The following CNTNAP2 variants were observed in gnomAD, a reference collection of about 807,000 sequenced individuals.
The protein encoded by CNTNAP2 is contactin associated protein 2, also known as contactin-associated protein-like 2.
CNTNAP2 carries 98 observed loss-of-function variants against 155.2 expected under a neutral mutation model. The observed-to-expected ratio is 0.63, with a 90% CI of 0.54 to 0.75. The LOEUF is 0.75. CNTNAP2 is among the 30% of genes least tolerant of loss of function. CNTNAP2 has a pLI of 0.00. For missense variants in CNTNAP2, 1,727 were observed against 1,688.1 expected, an observed-to-expected ratio of 1.02 and a Z score of -0.40; for synonymous variants, 651 against 631.2, an observed-to-expected ratio of 1.03 and a Z score of -0.47.
chr7:148,032,434 G>A (rs12532341), intron 15 of CNTNAP2, among the ~76,000 whole-genome samples: 49,828 of 152,002 alleles, frequency 0.33, 9,720 homozygotes, highest in East Asian at 0.77. Flanking sequence ...AGAGAGGGTA[G>A]GAGTCAGACC....
At chr7:147,743,455 G>A (rs73472882) in intron 13 of CNTNAP2, among the ~76,000 whole-genome samples, 3,069 of 152,198 alleles carry the variant, frequency 0.02, 81 homozygotes, top group African/African-American at 0.069. Context: ...AATTTGCTTT[G>A]TCTTTCTTTC....
rs892967399 is a variant in CNTNAP2, at chr7:146,822,488, A to T, written c.209-17223A>T. Among the ~76,000 whole-genome samples the T allele has an allele frequency of 6.1e-4, 88 of 144,492 alleles. No homozygotes were observed. The East Asian group carries it at 6.7e-3, about 11-fold the overall frequency. The allele number at this position is 144,492 out of a possible 152,430, so 94.8% of individuals were successfully genotyped here. ...AAGTGTAATAATAATACAAAAATTT[A>T]AAAAAAAAAAACTCAGACATTTGTC... On this transcript the variant is annotated intron_variant, in intron 2 of 23. Transcript: ENST00000361727.
At chr7:147,190,022 G>C (rs1463710796) in intron 8 of CNTNAP2, among the ~76,000 whole-genome samples, 2 of 152,110 alleles carry the variant, frequency 1.3e-5, no homozygotes, top group African/African-American at 2.4e-5. Context: ...AGGATTACAG[G>C]TGTGAGCCAC....
At chr7:147,359,235 T>G (rs1796110043) in intron 9 of CNTNAP2, among the ~76,000 whole-genome samples, 1 of 152,172 alleles carries the variant, frequency 6.6e-6, no homozygotes, top group Non-Finnish European at 1.5e-5. Flanking sequence ...CAATTACTCA[T>G]ACTGTAAAAC....
intron 3 of CNTNAP2, among the ~76,000 whole-genome samples, chr7:146,918,821 C>T (rs1585157358): frequency 1.3e-5 from 2 of 152,300 alleles, no homozygotes; most frequent in South Asian, 2.1e-4. Flanking sequence ...ACCAATTATT[C>T]TTAGGTTTGG....
chr7:146,987,729 G>T (rs1798138677), intron 3 of CNTNAP2, among the ~76,000 whole-genome samples: 2 of 152,006 alleles, frequency 1.3e-5, no homozygotes, highest in South Asian at 4.2e-4. Context: ...ACTGAAAAAT[G>T]TATATATATT....
rs114609388 is a variant in CNTNAP2, at chr7:148,258,270, G to A, written c.3382-8763G>A. ...AGCGTCCTTGAACCCACAGGGTTAC[G>A]GTCTCACCAAGGGAGGATCAGGAAC... is the stretch of plus-strand genomic sequence containing the variant. On this transcript the variant is annotated intron_variant, in intron 20 of 23. Coordinates refer to ENST00000361727, the MANE Select transcript of CNTNAP2 (RefSeq NM_014141.6). 8.0e-3 allele frequency among the ~76,000 whole-genome samples: 1,221 copies of A among 152,250 alleles called. 20 individuals carry two copies. The highest frequency in any genetic ancestry group is 0.028 in the African/African-American group (1,147 of 41,540).
chr7:147,861,111 T>C (rs1030420037), intron 13 of CNTNAP2, among the ~76,000 whole-genome samples: 5 of 152,196 alleles, frequency 3.3e-5, no homozygotes, highest in Non-Finnish European at 7.3e-5. Context: ...GATAAGGATT[T>C]TCACCTCATC....
At chr7:147,720,761 T>A (rs1796555216) in intron 13 of CNTNAP2, among the ~76,000 whole-genome samples, 2 of 152,244 alleles carry the variant, frequency 1.3e-5, no homozygotes, top group African/African-American at 4.8e-5. Context: ...TCTGCCATGA[T>A]GAGGCCTCCC....
At chr7:146,358,931 C>T (rs1254101848) in intron 1 of CNTNAP2, among the ~76,000 whole-genome samples, 1 of 151,738 alleles carries the variant, frequency 6.6e-6, no homozygotes, top group African/African-American at 2.4e-5. Flanking sequence ...CTTGATACAT[C>T]GCCTTACTAG....
At chr7:147,067,786 G>A (rs1584816052) in intron 4 of CNTNAP2, among the ~76,000 whole-genome samples, 1 of 152,206 alleles carries the variant, frequency 6.6e-6, no homozygotes, top group East Asian at 1.9e-4. Flanking sequence ...ATCTTATGAA[G>A]TCTCCTCAGC....
In CNTNAP2 at chr7:146,158,862, C is replaced by T. The variant is rs114028544; in HGVS notation, c.97+41889C>T. ...ACTTCCCCAAACTAATGAGGCAGGC[C>T]AACATTCAACTTCAGGAAATACAGA... is the stretch of plus-strand genomic sequence containing the variant. On this transcript the variant is annotated intron_variant, in intron 1 of 23. Transcript: ENST00000361727. Among the ~76,000 whole-genome samples the T allele has an allele frequency of 5.2e-3, 798 of 152,220 alleles. 14 individuals carry two copies. Among genetic ancestry groups the T allele is most frequent in the African/African-American group, 0.018 (766 of 41,530 alleles).
intron 8 of CNTNAP2, among the ~76,000 whole-genome samples, chr7:147,148,642 G>A (rs1801762152): frequency 6.6e-6 from 1 of 152,096 alleles, no homozygotes; most frequent in Non-Finnish European, 1.5e-5. Flanking sequence ...GTTCAGATGT[G>A]TCCGAAGTTT....
chr7:148,291,212 C>T lies in CNTNAP2; in HGVS notation c.3475+24086C>T, dbSNP rs7781050. On this transcript the variant is annotated intron_variant, in intron 21 of 23. Transcript: ENST00000361727. ...CATGGTAAATTAGTATATGAGAGTT[C>T]GCAGTAATAAAAGAAGTATGTAAGT... is the stretch of plus-strand genomic sequence containing the variant. Among the ~76,000 whole-genome samples, 90 of 151,160 alleles carry T rather than the reference C, an allele frequency of 6.0e-4. No homozygotes were observed. The East Asian group carries it at 0.015, about 26-fold the overall frequency.
intron 4 of CNTNAP2, among the ~76,000 whole-genome samples, chr7:147,091,966 C>T (rs925619899): frequency 1.3e-5 from 2 of 152,020 alleles, no homozygotes; most frequent in Non-Finnish European, 2.9e-5. Context: ...GTGTCGATCT[C>T]CTGACCTCGT....
At chr7:147,364,601 T>G (rs931615622) in intron 9 of CNTNAP2, among the ~76,000 whole-genome samples, 1 of 152,194 alleles carries the variant, frequency 6.6e-6, no homozygotes, top group East Asian at 1.9e-4. Flanking sequence ...TAAGTTCTGT[T>G]GGTTAAAAAT....
chr7:147,839,195 C>G (rs1218068662), intron 13 of CNTNAP2, among the ~76,000 whole-genome samples: 1 of 152,106 alleles, frequency 6.6e-6, no homozygotes, highest in African/African-American at 2.4e-5. Context: ...ATTGTATCCA[C>G]CCAGATTGAG....
intron 15 of CNTNAP2, among the ~76,000 whole-genome samples, chr7:148,005,038 T>C (rs6942912): frequency 0.68 from 103,662 of 152,116 alleles, 35,891 homozygotes; most frequent in East Asian, 0.82. Flanking sequence ...GTTACAGACT[T>C]TGCAGGTCAC....
chr7:146,178,843 G>A (rs1384303753), intron 1 of CNTNAP2, among the ~76,000 whole-genome samples: 2 of 152,160 alleles, frequency 1.3e-5, no homozygotes, highest in Admixed American at 6.5e-5. Context: ...ACTAAGGTTA[G>A]ATCAAAGGCC....
Sources: gnomAD v4.1 joint callset for allele counts (sites outside exome capture counted in the v4.1 genomes callset) on GRCh38, gnomAD v4.1.1 for gene constraint, MANE v1.5 for transcripts, NCBI Gene and HGNC (gene_info 2026-07-23, HGNC 2026-07-21) for gene names.